The following MORN1 variants were observed in gnomAD, a reference collection of about 807,000 sequenced individuals.
MORN1 encodes the protein MORN repeat-containing protein 1.
Under a neutral mutation model 61.9 loss-of-function variants are expected in MORN1, and 67 were observed. That is an observed-to-expected ratio of 1.08 (90% CI 0.89 to 1.33). MORN1 has a LOEUF of 1.33. Ranked by LOEUF, MORN1 falls within the 40% of genes most tolerant of loss-of-function variation. The pLI, the probability that MORN1 is intolerant of heterozygous loss-of-function variation, is 0.00. For synonymous variants in MORN1, 301 were observed against 292.0 expected, an observed-to-expected ratio of 1.03 and a Z score of -0.31; for missense variants, 752 against 691.2, an observed-to-expected ratio of 1.09 and a Z score of -0.99.
In MORN1 at chr1:2,387,432, G is replaced by A. The variant is rs113863949; in HGVS notation, c.345C>T (p.His115=). 2.7e-3 allele frequency: 4,312 copies of A among 1,613,040 alleles called. 18 individuals carry two copies. The highest frequency in any genetic ancestry group is 0.017 in the African/African-American group (1,280 of 75,054). Residue 115 remains histidine, a synonymous_variant, in exon 4 of 14, where the codon CAC becomes CAT. Coordinates refer to ENST00000378531, the MANE Select transcript of MORN1 (RefSeq NM_024848.3). The part of the protein sequence containing the change: ...AGGCYEGEVS[H]GMREGHGFLV... ...TGGGCGCCAGACCTTCCCGCATGCC[G>A]TGGGAGACCTCCCCTTCATAACATC...
At chr1:2,354,323 G>C (rs1397245968) in intron 10 of MORN1, among the ~76,000 whole-genome samples, 2 of 152,168 alleles carry the variant, frequency 1.3e-5, no homozygotes, top group Non-Finnish European at 2.9e-5. Flanking sequence ...CCAGCACGTT[G>C]GGAGGCTGAG....
chr1:2,357,357 C>T lies in MORN1; in HGVS notation c.1036+75G>A, dbSNP rs1302292704. 1.3e-5 allele frequency: 19 copies of T among 1,495,462 alleles called. No homozygotes were observed. The highest frequency in any genetic ancestry group is 1.7e-5 in the Non-Finnish European group (19 of 1,108,402). The allele number at this position is 1,495,462 out of a possible 1,614,324, so 92.6% of individuals were successfully genotyped here. A position where few individuals can be genotyped will look rare whatever the true frequency, so the allele number is the denominator to read the frequency against. The stretch of plus-strand genomic sequence containing the variant: ...TCCTGCTCTGGCCTGGTTCTGGGTC[C>T]CCATGACCCCACCCCCACCTTGACT... On this transcript the variant is annotated intron_variant, in intron 10 of 13. Transcript: ENST00000378531. The surrounding 1 kb of genome is among the most constrained non-coding windows in gnomAD (Gnocchi z 6.3).
intron 8 of MORN1, 133 bp from the exon 9 acceptor site, chr1:2,358,848 G>A: frequency 8.9e-7 from 1 of 1,125,628 alleles, no homozygotes; most frequent in South Asian, 1.5e-5. Flanking sequence ...TGTGACCCTG[G>A]TGGGCTGAGG....
intron 8 of MORN1, among the ~76,000 whole-genome samples, chr1:2,369,355 G>GAAAAAAA (rs55703845): frequency 6.2e-5 from 5 of 80,588 alleles, no homozygotes; most frequent in Admixed American, 2.9e-4. Context: ...CTCAGTCTCA[G>GAAAAAAA]AAAAAAAAAA....
chr1:2,357,669 CCCACGCCCTG>C lies in MORN1; in HGVS notation c.870-81_870-72del. 4.0e-6 allele frequency: 6 copies of C among 1,500,638 alleles called. No homozygotes were observed. The highest frequency in any genetic ancestry group is 2.1e-5 in the Admixed American group (1 of 47,066). The allele number at this position is 1,500,638 out of a possible 1,614,324, so 93.0% of individuals were successfully genotyped here. ...ACTAGGGTGCAGGCAGACAGCGTGG[CCCACGCCCTG>C]GACCCTGGGACTTGCCTACACTGAG... On this transcript the variant is annotated intron_variant, in intron 9 of 13. Transcript: ENST00000378531. The surrounding 1 kb of genome is among the most constrained non-coding windows in gnomAD (Gnocchi z 6.3).
intron 7 of MORN1, among the ~76,000 whole-genome samples, chr1:2,373,511 G>T (rs1642167276): frequency 1.3e-5 from 2 of 152,164 alleles, no homozygotes; most frequent in Admixed American, 1.3e-4. Context: ...GAGGGGCTGG[G>T]ATCTGGATTC....
intron 6 of MORN1, among the ~76,000 whole-genome samples, chr1:2,380,348 A>G (rs1458927480): frequency 1.3e-5 from 2 of 152,168 alleles, no homozygotes; most frequent in African/African-American, 4.8e-5. Flanking sequence ...GCACGCTTAA[A>G]AGTGGTCACG....
rs1316073349 is a variant in MORN1 at position 2,385,043 on chromosome 1, C to T, written c.472G>A (p.Asp158Asn). The part of the protein sequence containing the change: ...LFQNGDKYDG[D>N]WVRDRRQGHG... The stretch of plus-strand genomic sequence containing the variant: ...CCCTGACGCCGGTCCCGGACCCAGT[C>T]GCCGTCGTACTTGTCACCGTTCCTG... The change falls in exon 6 of 14, where the codon GAC becomes AAC. Residue 158 changes from aspartate to asparagine, a missense_variant. Physicochemically the swap from Asp to Asn is conservative, Grantham distance 23 (BLOSUM62 1). Coordinates refer to ENST00000378531, the MANE Select transcript of MORN1 (RefSeq NM_024848.3). The T allele has an allele frequency of 5.6e-6, 9 of 1,597,250 alleles. No individual in the cohort carries two copies. The highest frequency in any genetic ancestry group is 1.1e-5 in the South Asian group (1 of 88,402).
intron 10 of MORN1, among the ~76,000 whole-genome samples, chr1:2,355,731 G>C (rs1369049516): frequency 6.6e-6 from 1 of 152,218 alleles, no homozygotes; most frequent in African/African-American, 2.4e-5. Flanking sequence ...AGGGTCACAG[G>C]CCACACAGTG....
At chr1:2,359,421 T>C (rs1422495925) in intron 8 of MORN1, among the ~76,000 whole-genome samples, 1 of 152,212 alleles carries the variant, frequency 6.6e-6, no homozygotes, top group Non-Finnish European at 1.5e-5. Context: ...ACTGTCCCTC[T>C]GAGTTGCTGA....
chr1:2,338,214 A>C (rs370704468), intron 10 of MORN1, among the ~76,000 whole-genome samples: 1 of 152,152 alleles, frequency 6.6e-6, no homozygotes, highest in African/African-American at 2.4e-5. Flanking sequence ...ATATTTCCAA[A>C]TTACAGGTGG....
chr1:2,333,603 TC>T (rs1267938694), intron 12 of MORN1, among the ~76,000 whole-genome samples: 1 of 152,178 alleles, frequency 6.6e-6, no homozygotes, highest in African/African-American at 2.4e-5. Context: ...GGATCCTGGC[TC>T]AAGGTGCTGC....
chr1:2,361,951 A>T (rs554871793), intron 8 of MORN1, among the ~76,000 whole-genome samples: 18 of 152,310 alleles, frequency 1.2e-4, no homozygotes, highest in Admixed American at 2.6e-4. Context: ...AAAGAAAACA[A>T]GTCTGGGCAC....
intron 8 of MORN1, among the ~76,000 whole-genome samples, chr1:2,359,971 A>C (rs1641858548): frequency 6.6e-6 from 1 of 152,176 alleles, no homozygotes; most frequent in African/African-American, 2.4e-5. Flanking sequence ...ACGGGCTCTC[A>C]AGTGGGAAAT....
chr1:2,324,742 G>A (rs1430852530), intron 12 of MORN1, among the ~76,000 whole-genome samples: 3 of 152,150 alleles, frequency 2.0e-5, no homozygotes, highest in African/African-American at 7.2e-5. Context: ...CTGGCTCCCT[G>A]AGGGGTGCAG....
intron 6 of MORN1, chr1:2,378,712 A>G (rs544789263): frequency 5.4e-4 from 193 of 356,838 alleles, no homozygotes; most frequent in Non-Finnish European, 9.6e-4. Context: ...TGTGGCCTCT[A>G]CTCTGTCTGC....
chr1:2,351,457 CG>C, intron 10 of MORN1: 1 of 166,562 alleles, frequency 6.0e-6, no homozygotes, highest in Non-Finnish European at 1.3e-5. Flanking sequence ...GGTGCACTTG[CG>C]GGGGCCCAGC....
At chr1:2,361,027 A>C (rs1281173010) in intron 8 of MORN1, among the ~76,000 whole-genome samples, 1 of 152,230 alleles carries the variant, frequency 6.6e-6, no homozygotes, top group Non-Finnish European at 1.5e-5. Context: ...TTATAGGAAT[A>C]CAAAAATATC....
rs1047824962 is a variant in MORN1 at position 2,337,440 on chromosome 1, C to T, written c.1037-590G>A. Among the ~76,000 whole-genome samples the T allele has an allele frequency of 6.6e-5, 10 of 152,162 alleles. No individual in the cohort carries two copies. Among genetic ancestry groups the T allele is most frequent in the Non-Finnish European group, 1.3e-4 (9 of 68,008 alleles). Reference sequence around the variant, plus strand: ...GTGGGCGGGCTCAGCCTGTGCATCCCTCAGTGGGACCCCTGCAGGCCCTTG... The same window carrying T: ...GTGGGCGGGCTCAGCCTGTGCATCCTTCAGTGGGACCCCTGCAGGCCCTTG... On this transcript the variant is annotated intron_variant, in intron 10 of 13. Coordinates refer to ENST00000378531, the MANE Select transcript of MORN1 (RefSeq NM_024848.3). The surrounding 1 kb of genome is among the most constrained non-coding windows in gnomAD (Gnocchi z 5.7).
Sources: gnomAD v4.1 joint callset for allele counts (sites outside exome capture counted in the v4.1 genomes callset) on GRCh38, gnomAD v4.1.1 for gene constraint, Gnocchi (gnomAD v3.1) non-coding constraint, MANE v1.5 for transcripts, NCBI Gene and HGNC (gene_info 2026-07-23, HGNC 2026-07-21) for gene names.